DENND1B: variants seen among roughly 807,000 people sequenced by gnomAD.
DENND1B encodes the protein DENN domain containing 1B.
A neutral mutation model predicts 90.1 loss-of-function variants in DENND1B; 59 were observed. The observed-to-expected ratio is 0.65, with a 90% confidence interval of 0.53 to 0.81. The LOEUF (loss-of-function observed/expected upper bound fraction) is 0.81. Ranked by LOEUF, DENND1B falls within the 40% of genes least tolerant of loss-of-function variation. The pLI, the probability that DENND1B is intolerant of heterozygous loss-of-function variation, is 0.00. For synonymous variants in DENND1B, 337 were observed against 324.6 expected (o/e 1.04, Z -0.41); for missense variants, 862 against 912.6 (o/e 0.94, Z 0.71).
chr1:197,562,488 T>C (rs1185227906), intron 15 of DENND1B, among the ~76,000 whole-genome samples: 1 of 151,938 alleles, frequency 6.6e-6, no homozygotes, highest in East Asian at 1.9e-4. Flanking sequence ...TATATGATTA[T>C]AGTTGTTATG....
At chr1:197,750,043 C>A (rs926469702) in intron 2 of DENND1B, among the ~76,000 whole-genome samples, 2 of 152,012 alleles carry the variant, frequency 1.3e-5, no homozygotes, top group Admixed American at 1.3e-4. Context: ...GATGAGGTCT[C>A]GCTATTTTGG....
chr1:197,644,687 T>C (rs1416845675), intron 9 of DENND1B, among the ~76,000 whole-genome samples: 2 of 152,182 alleles, frequency 1.3e-5, no homozygotes, highest in African/African-American at 4.8e-5. Flanking sequence ...AAGCTTTTCA[T>C]AAGGGTTTTT....
At chr1:197,752,648 T>C (rs1653714172) in intron 2 of DENND1B, among the ~76,000 whole-genome samples, 1 of 151,860 alleles carries the variant, frequency 6.6e-6, no homozygotes, top group South Asian at 2.1e-4. Context: ...TTTTTTTTCT[T>C]TATTATTATT....
intron 5 of DENND1B, among the ~76,000 whole-genome samples, chr1:197,658,635 T>C (rs890388692): frequency 1.3e-5 from 2 of 151,854 alleles, no homozygotes; most frequent in African/African-American, 2.4e-5. Flanking sequence ...ATTATTTTCA[T>C]GGTATTCAAT....
chr1:197,623,811 A>G lies in DENND1B; in HGVS notation c.673-6052T>C, dbSNP rs528537746. ...TCTAGGATAAAACAAATTTACAGTGACATGTATCCACCATTATAGTATCAT... is the reference window on the plus strand; with the variant it reads ...TCTAGGATAAAACAAATTTACAGTGGCATGTATCCACCATTATAGTATCAT... On this transcript the variant is annotated intron_variant, in intron 10 of 22. Coordinates refer to ENST00000620048, the MANE Select transcript of DENND1B (RefSeq NM_001195215.2). Among the ~76,000 whole-genome samples, 9 of 151,742 alleles carry G rather than the reference A, an allele frequency of 5.9e-5. No homozygotes were observed. The East Asian group carries it at 1.8e-3, about 30-fold the overall frequency.
At chr1:197,538,959 A>T (rs1213712319) in intron 20 of DENND1B, among the ~76,000 whole-genome samples, 3 of 152,064 alleles carry the variant, frequency 2.0e-5, no homozygotes, top group Non-Finnish European at 4.4e-5. Context: ...GGGCCTCATA[A>T]GGTGCCAGTG....
At chr1:197,568,075 A>G (rs1220781666) in intron 15 of DENND1B, among the ~76,000 whole-genome samples, 2 of 151,672 alleles carry the variant, frequency 1.3e-5, no homozygotes, top group Non-Finnish European at 1.5e-5. Flanking sequence ...AGGGAGGGAA[A>G]TTGTTTGCTC....
At chr1:197,667,587 G>A (rs182228450) in intron 5 of DENND1B, among the ~76,000 whole-genome samples, 1 of 151,950 alleles carries the variant, frequency 6.6e-6, no homozygotes, top group African/African-American at 2.4e-5. Context: ...GCGCCACCAC[G>A]CCCAGCTAAT....
At chr1:197,654,120 G>A (rs535987195) in intron 6 of DENND1B, among the ~76,000 whole-genome samples, 10 of 152,162 alleles carry the variant, frequency 6.6e-5, no homozygotes, top group African/African-American at 2.4e-4. Context: ...CTAGACTTTT[G>A]ACAAACATTA....
intron 2 of DENND1B, among the ~76,000 whole-genome samples, chr1:197,763,383 C>A (rs1363926615): frequency 6.6e-6 from 1 of 152,074 alleles, no homozygotes; most frequent in Non-Finnish European, 1.5e-5. Context: ...AATTATTAAG[C>A]CCATAATACC....
At chr1:197,529,840 A>T (rs1669492290) in intron 20 of DENND1B, among the ~76,000 whole-genome samples, 1 of 152,160 alleles carries the variant, frequency 6.6e-6, no homozygotes, top group Non-Finnish European at 1.5e-5. Context: ...ATAAGTACAT[A>T]GGATTAAGAC....
At chr1:197,650,800 T>C (rs1055654648) in intron 7 of DENND1B, among the ~76,000 whole-genome samples, 13 of 152,290 alleles carry the variant, frequency 8.5e-5, no homozygotes, top group East Asian at 1.9e-4. Context: ...CTCACTGATA[T>C]GCGGGAGCTA....
At chr1:197,701,247 C>T (rs1464690086) in intron 3 of DENND1B, among the ~76,000 whole-genome samples, 1 of 152,114 alleles carries the variant, frequency 6.6e-6, no homozygotes, top group African/African-American at 2.4e-5. Context: ...TACTATACTG[C>T]CATACAAAGG....
intron 3 of DENND1B, among the ~76,000 whole-genome samples, chr1:197,707,562 ATGTG>A (rs1005803468): frequency 2.9e-4 from 43 of 148,254 alleles, no homozygotes; most frequent in African/African-American, 9.6e-4. Context: ...ACCCATATAT[ATGTG>A]TAATTATATG....
At chr1:197,624,449 A>C (rs1369486191) in intron 10 of DENND1B, among the ~76,000 whole-genome samples, 1 of 151,796 alleles carries the variant, frequency 6.6e-6, no homozygotes, top group African/African-American at 2.4e-5. Flanking sequence ...TAAATGTAAA[A>C]TGCAAAACTA....
At chr1:197,618,358 C>T (rs1677851885) in intron 10 of DENND1B, among the ~76,000 whole-genome samples, 1 of 151,210 alleles carries the variant, frequency 6.6e-6, no homozygotes, top group African/African-American at 2.4e-5. Context: ...GACCAGCAAA[C>T]TGCCCAAGCT....
chr1:197,571,741 C>T (rs1046851950), intron 15 of DENND1B, among the ~76,000 whole-genome samples: 6 of 152,094 alleles, frequency 3.9e-5, no homozygotes, highest in Non-Finnish European at 1.5e-5. Flanking sequence ...AATAAATAAT[C>T]CATATGTAAT....
chr1:197,774,865 G>T (rs533744677), intron 1 of DENND1B, among the ~76,000 whole-genome samples: 1 of 151,890 alleles, frequency 6.6e-6, no homozygotes, highest in African/African-American at 2.4e-5. Flanking sequence ...CCTGTCCCCC[G>T]AAAGGCGGGC....
chr1:197,666,093 A>T (rs1319049424), intron 5 of DENND1B, among the ~76,000 whole-genome samples: 2 of 152,202 alleles, frequency 1.3e-5, no homozygotes, highest in Non-Finnish European at 2.9e-5. Context: ...ACTGGTAAAG[A>T]TATAAGAAAG....
Sources: allele counts gnomAD v4.1 joint callset (sites outside exome capture counted in the v4.1 genomes callset), GRCh38; gene constraint gnomAD v4.1.1; transcripts MANE v1.5; gene names NCBI Gene and HGNC (gene_info 2026-07-23, HGNC 2026-07-21).